MCM9: variants seen among roughly 807,000 people sequenced by gnomAD.
MCM9 encodes minichromosome maintenance 9 homologous recombination repair factor.
Under a neutral mutation model 72.8 loss-of-function variants are expected in MCM9, and 55 were observed. That is an observed-to-expected ratio of 0.76 (90% CI 0.61 to 0.95). MCM9 has a LOEUF of 0.95. Among genes scored for constraint, MCM9 ranks in the 40% least tolerant of loss-of-function variants. MCM9 has a pLI of 0.00. For missense variants in MCM9, 1,279 were observed against 1,377.0 expected (o/e 0.93, Z 1.13); for synonymous variants, 480 against 503.4 (o/e 0.95, Z 0.62).
At chr6:118,870,267 T>A (rs1777510191) in intron 8 of MCM9, among the ~76,000 whole-genome samples, 2 of 152,184 alleles carry the variant, frequency 1.3e-5, no homozygotes, top group South Asian at 4.1e-4. Context: ...AAACAAGTCT[T>A]CAATTTGAGA....
In MCM9 at chr6:118,843,704, GTA is replaced by G. The variant is rs1393873992; in HGVS notation, c.1325+12665_1325+12666del. ...TATATATGTGTATATATATATATATGTATGTATATATATATGTATATATATAT... is the reference window on the plus strand; with the variant it reads ...TATATATGTGTATATATATATATATGTGTATATATATATGTATATATATAT... On this transcript the variant is annotated intron_variant, in intron 9 of 13. Transcript: ENST00000619706. Among the ~76,000 whole-genome samples, 21 of 60,818 alleles carry G rather than the reference GTA, an allele frequency of 3.5e-4. 1 individual carries two copies. The highest frequency in any genetic ancestry group is 7.3e-4 in the African/African-American group (11 of 15,104). 39.9% of individuals were successfully genotyped at this position (60,818 alleles called of 152,430 possible). A position where few individuals can be genotyped will look rare whatever the true frequency, so the allele number is the denominator to read the frequency against.
At chr6:118,822,713 A>C (rs1478574479) in intron 13 of MCM9, among the ~76,000 whole-genome samples, 1 of 152,162 alleles carries the variant, frequency 6.6e-6, no homozygotes. Flanking sequence ...AGTCTGCTGA[A>C]GCAACACCCA....
At chr6:118,870,980 A>T (rs1777561522) in intron 8 of MCM9, among the ~76,000 whole-genome samples, 1 of 152,158 alleles carries the variant, frequency 6.6e-6, no homozygotes, top group African/African-American at 2.4e-5. Context: ...ATCAAAGAAA[A>T]GCCCAGGACC....
At chr6:118,857,504 C>G (rs1776633169) in intron 8 of MCM9, among the ~76,000 whole-genome samples, 1 of 151,604 alleles carries the variant, frequency 6.6e-6, no homozygotes, top group Non-Finnish European at 1.5e-5. Flanking sequence ...TAGAAAGTAT[C>G]TTAGAGATTC....
intron 8 of MCM9, among the ~76,000 whole-genome samples, chr6:118,874,912 G>A (rs186107567): frequency 0.017 from 2,584 of 152,246 alleles, 78 homozygotes; most frequent in African/African-American, 0.059. Context: ...TCAGGAGTTC[G>A]AGACCAGCCT....
chr6:118,860,233 A>G (rs1026598811), intron 8 of MCM9, among the ~76,000 whole-genome samples: 1 of 152,222 alleles, frequency 6.6e-6, no homozygotes. Flanking sequence ...GATCTAATGG[A>G]AAGAGTAGAC....
At chr6:118,863,844 C>G (rs1777052753) in intron 8 of MCM9, among the ~76,000 whole-genome samples, 1 of 152,122 alleles carries the variant, frequency 6.6e-6, no homozygotes, top group South Asian at 2.1e-4. Context: ...ATCCAGCACT[C>G]TAAGAAATAA....
chr6:118,894,025 A>C (rs1431042588), intron 8 of MCM9: 28 of 990,488 alleles, frequency 2.8e-5, no homozygotes, highest in Non-Finnish European at 3.1e-5. Context: ...TATTCCACTC[A>C]CTTTGTTCTC....
At chr6:118,904,612 A>C (rs1425109527) in intron 8 of MCM9, among the ~76,000 whole-genome samples, 2 of 152,162 alleles carry the variant, frequency 1.3e-5, no homozygotes, top group African/African-American at 4.8e-5. Flanking sequence ...GTCTAGTCTA[A>C]CTCAGTTTAC....
At chr6:118,907,551 G>A in intron 8 of MCM9, 1 of 1,613,690 alleles carries the variant, frequency 6.2e-7, no homozygotes, top group Non-Finnish European at 8.5e-7. Flanking sequence ...CAGCATCAAA[G>A]GGATGGTCCA....
chr6:118,882,265 CA>C (rs2114395290), intron 8 of MCM9, among the ~76,000 whole-genome samples: 1 of 152,322 alleles, frequency 6.6e-6, no homozygotes, highest in South Asian at 2.1e-4. Flanking sequence ...AGAGTTTGAC[CA>C]GGGGGAGAGA....
At chr6:118,869,667 T>C (rs940170692) in intron 8 of MCM9, among the ~76,000 whole-genome samples, 18 of 148,192 alleles carry the variant, frequency 1.2e-4, no homozygotes, top group African/African-American at 4.5e-4. Flanking sequence ...TTGTCAGTAA[T>C]TACTTTCAAT....
At chr6:118,879,659 T>C (rs1778157698) in intron 8 of MCM9, among the ~76,000 whole-genome samples, 1 of 152,016 alleles carries the variant, frequency 6.6e-6, no homozygotes, top group African/African-American at 2.4e-5. Context: ...AAAATACTAG[T>C]ATGTGGCCTT....
chr6:118,818,336 T>C (rs747150096), intron 13 of MCM9, among the ~76,000 whole-genome samples: 7 of 152,256 alleles, frequency 4.6e-5, no homozygotes, highest in Non-Finnish European at 1.0e-4. Context: ...CAGTTTCTGT[T>C]TTCTGCATAT....
At chr6:118,894,802 A>G (rs936726507) in intron 8 of MCM9, among the ~76,000 whole-genome samples, 1 of 152,178 alleles carries the variant, frequency 6.6e-6, no homozygotes, top group African/African-American at 2.4e-5. Flanking sequence ...GGCAGCTCGG[A>G]GACCCGCACT....
intron 9 of MCM9, among the ~76,000 whole-genome samples, chr6:118,850,272 A>C (rs1776136910): frequency 6.6e-6 from 1 of 151,846 alleles, no homozygotes; most frequent in Admixed American, 6.6e-5. Context: ...TTTTGTGATT[A>C]TTGGTAATGG....
At chr6:118,867,848 G>C (rs545797354) in intron 8 of MCM9, among the ~76,000 whole-genome samples, 1 of 150,888 alleles carries the variant, frequency 6.6e-6, no homozygotes, top group Admixed American at 6.6e-5. Context: ...AATGGGGTTG[G>C]GTAAATTAAT....
intron 8 of MCM9, among the ~76,000 whole-genome samples, chr6:118,860,467 T>C (rs745570152): frequency 5.5e-4 from 84 of 152,214 alleles, no homozygotes; most frequent in Non-Finnish European, 1.0e-3. Context: ...GTGGGACAAC[T>C]ACAAAAGGTG....
chr6:118,857,169 G>C (rs1776613013), intron 8 of MCM9, among the ~76,000 whole-genome samples: 2 of 152,210 alleles, frequency 1.3e-5, no homozygotes, highest in African/African-American at 4.8e-5. Context: ...CAGATCTCCA[G>C]AGACCTTATG....
Sources: allele counts gnomAD v4.1 joint callset (sites outside exome capture counted in the v4.1 genomes callset), GRCh38; gene constraint gnomAD v4.1.1; transcripts MANE v1.5; gene names NCBI Gene and HGNC (gene_info 2026-07-23, HGNC 2026-07-21).